The following GFM1 variants were observed in gnomAD, a reference collection of about 807,000 sequenced individuals.
GFM1 encodes the protein G elongation factor mitochondrial 1.
GFM1 carries 62 observed loss-of-function variants against 96.2 expected under a neutral mutation model. The ratio of observed to expected loss-of-function variants is 0.64; its 90% CI spans 0.53 to 0.80. The LOEUF (loss-of-function observed/expected upper bound fraction) is 0.80, where lower values mean the gene tolerates loss of function less well. Ranked by LOEUF, GFM1 falls within the 30% of genes least tolerant of loss-of-function variation. The pLI is 0.00. For missense variants in GFM1, 852 were observed against 916.6 expected (o/e 0.93, Z 0.91); for synonymous variants, 282 against 312.9 (o/e 0.90, Z 1.04).
intron 13 of GFM1, among the ~76,000 whole-genome samples, chr3:158,680,671 A>G (rs1165613058): frequency 6.6e-6 from 1 of 152,156 alleles, no homozygotes; most frequent in East Asian, 1.9e-4. Context: ...CAGGTTTCTC[A>G]TGTGTAAAAT....
intron 11 of GFM1, among the ~76,000 whole-genome samples, chr3:158,663,653 T>C (rs1316690962): frequency 6.6e-6 from 1 of 152,230 alleles, no homozygotes; most frequent in African/African-American, 2.4e-5. Context: ...AAGTACATTG[T>C]TAAAATTGCT....
At chr3:158,682,215 A>G in intron 14 of GFM1, 58 bp downstream of exon 14, 1 of 1,374,312 alleles carries the variant, frequency 7.3e-7, no homozygotes, top group Non-Finnish European at 1.0e-6. Context: ...TTTATCAGGT[A>G]TTAAATCATA....
At position 158,659,194 on chromosome 3, in the gene GFM1, T is replaced by C. The variant is rs528009648; in HGVS notation, c.1221+135T>C. ...TCTAGTTTCTTTCTACTTAAATGTG[T>C]TGTAGCTCTGATCTAGCACTTTGCT... On this transcript the variant is annotated intron_variant, in intron 9 of 17. Coordinates refer to ENST00000486715, the MANE Select transcript of GFM1 (RefSeq NM_024996.7). 2.6e-5 allele frequency: 26 copies of C among 1,017,992 alleles called. 1 individual carries two copies. The East Asian group carries it at 5.4e-4, about 21-fold the overall frequency. The allele number at this position is 1,017,992 out of a possible 1,614,324, so 63.1% of individuals were successfully genotyped here. A position where few individuals can be genotyped will look rare whatever the true frequency, so the allele number is the denominator to read the frequency against.
chr3:158,676,862 G>A (rs75423887), intron 13 of GFM1, among the ~76,000 whole-genome samples: 1 of 151,876 alleles, frequency 6.6e-6, no homozygotes, highest in Non-Finnish European at 1.5e-5. Context: ...ACCATGCCCG[G>A]CTAATTTTTG....
chr3:158,685,982 G>C (rs1576792779), intron 15 of GFM1, among the ~76,000 whole-genome samples: 1 of 151,806 alleles, frequency 6.6e-6, no homozygotes, highest in East Asian at 1.9e-4. Context: ...AGCTTTCCTG[G>C]AAATAGAGGT....
At chr3:158,688,898 G>A (rs1005967819) in intron 15 of GFM1, among the ~76,000 whole-genome samples, 4 of 152,090 alleles carry the variant, frequency 2.6e-5, no homozygotes. Context: ...CATAATTATT[G>A]CACTTAAGCT....
intron 13 of GFM1, chr3:158,672,254 G>T: frequency 6.8e-7 from 1 of 1,473,720 alleles, no homozygotes; most frequent in Non-Finnish European, 9.3e-7. Context: ...GTAGGGGGTG[G>T]CACGGAGTGT....
intron 11 of GFM1, among the ~76,000 whole-genome samples, chr3:158,663,625 G>C (rs1413146736): frequency 6.6e-6 from 1 of 152,286 alleles, no homozygotes; most frequent in East Asian, 1.9e-4. Flanking sequence ...ACCTCAGTAG[G>C]ATGCCATAGT....
intron 13 of GFM1, 124 bp downstream of exon 13, chr3:158,666,510 A>G (rs1258707970): frequency 4.1e-5 from 47 of 1,135,396 alleles, no homozygotes; most frequent in Non-Finnish European, 5.4e-5. Context: ...TATGGACTCT[A>G]TAAAGTTCTA....
In GFM1 at chr3:158,655,260, C is replaced by T. The variant is rs187892480; in HGVS notation, c.1083+629C>T. Among the ~76,000 whole-genome samples, 231 of 152,064 alleles carry T rather than the reference C, an allele frequency of 1.5e-3. 8 individuals are homozygous for T. In the South Asian group the frequency reaches 0.037, roughly 25 times the overall value. On this transcript the variant is annotated intron_variant, in intron 8 of 17. Transcript: ENST00000486715. Reference sequence around the variant, plus strand: ...GTCAGGAGTGGGAGGCCAAGGCGGGCGGATCACAAGGTCAGGAGTTCGAGA... The same window carrying T: ...GTCAGGAGTGGGAGGCCAAGGCGGGTGGATCACAAGGTCAGGAGTTCGAGA...
intron 15 of GFM1, among the ~76,000 whole-genome samples, chr3:158,687,998 C>T (rs1049860642): frequency 1.3e-5 from 2 of 151,706 alleles, no homozygotes; most frequent in African/African-American, 4.8e-5. Flanking sequence ...GGTAAATGAG[C>T]TTAGTATAAG....
intron 16 of GFM1, 54 bp downstream of exon 16, chr3:158,690,377 C>T (rs1340429666): frequency 6.4e-6 from 10 of 1,555,258 alleles, no homozygotes; most frequent in Middle Eastern, 1.7e-4. Flanking sequence ...AGAAGGAAAT[C>T]CAGGTTAGCT....
In GFM1 at chr3:158,691,837, GA is replaced by G. The variant is rs1361916975; in HGVS notation, c.*374del. 1.5e-5 allele frequency: 3 copies of G among 194,436 alleles called. No individual in the cohort carries two copies. The highest frequency in any genetic ancestry group is 3.2e-5 in the Non-Finnish European group (3 of 93,572). The allele number at this position is 194,436 out of a possible 1,614,324, so 12.0% of individuals were successfully genotyped here. A position where few individuals can be genotyped will look rare whatever the true frequency, so the allele number is the denominator to read the frequency against. On this transcript the variant is annotated 3_prime_UTR_variant, in exon 18 of 18. Coordinates refer to ENST00000486715, the MANE Select transcript of GFM1 (RefSeq NM_024996.7). ...GTATCATAAGAGTTTTCAACATAGA[GA>G]AAAGCTGAAAAAATGCAAAGAATAA...
chr3:158,649,247 A>G, intron 5 of GFM1, 90 bp downstream of exon 5: 1 of 690,876 alleles, frequency 1.4e-6, no homozygotes, highest in South Asian at 1.5e-5. Flanking sequence ...CAGAGTAACT[A>G]TCTTTTTGAA....
In GFM1 at chr3:158,646,830, A is replaced by G; in HGVS notation, c.455A>G (p.Gln152Arg). ...VLVLCAVGGV[Q>R]CQTMTVNRQM... ...GTTCTCTGTGCTGTTGGAGGGGTACAGTGCCAGACCATGACTGTCAATCGT... is the reference window on the plus strand; with the variant it reads ...GTTCTCTGTGCTGTTGGAGGGGTACGGTGCCAGACCATGACTGTCAATCGT... Residue 152 changes from glutamine to arginine, a missense_variant, in exon 4 of 18, where the codon CAG becomes CGG. Physicochemically the swap from Gln to Arg is conservative, Grantham distance 43. Coordinates refer to ENST00000486715, the MANE Select transcript of GFM1 (RefSeq NM_024996.7). 2 of 1,614,200 alleles carry G rather than the reference A, an allele frequency of 1.2e-6. No individual in the cohort carries two copies. Among genetic ancestry groups the G allele is most frequent in the Non-Finnish European group, 8.5e-7 (1 of 1,180,014 alleles).
At chr3:158,669,538 A>G in intron 13 of GFM1, 1 of 1,614,010 alleles carries the variant, frequency 6.2e-7, no homozygotes, top group Non-Finnish European at 8.5e-7. Context: ...TCAAATGTGA[A>G]GTTGACTTCT....
chr3:158,678,931 G>T (rs1260910145), intron 13 of GFM1, among the ~76,000 whole-genome samples: 1 of 152,204 alleles, frequency 6.6e-6, no homozygotes, highest in Non-Finnish European at 1.5e-5. Context: ...CTACTTGGGA[G>T]TCTGAGGCAG....
intron 10 of GFM1, among the ~76,000 whole-genome samples, chr3:158,661,408 C>T (rs1343779187): frequency 1.3e-5 from 2 of 152,202 alleles, no homozygotes; most frequent in African/African-American, 2.4e-5. Flanking sequence ...ACTGTTCCCT[C>T]AATCCCTTTT....
intron 16 of GFM1, 27 bp downstream of exon 16, chr3:158,690,350 C>T: frequency 6.2e-7 from 1 of 1,603,512 alleles, no homozygotes; most frequent in Non-Finnish European, 8.5e-7. Context: ...ATTGGCAGTC[C>T]TGCTTTTATT....
Sources: gnomAD v4.1 joint callset for allele counts (sites outside exome capture counted in the v4.1 genomes callset) on GRCh38, gnomAD v4.1.1 for gene constraint, MANE v1.5 for transcripts, NCBI Gene and HGNC (gene_info 2026-07-23, HGNC 2026-07-21) for gene names.